Variants in FHDC1 observed in about 807,000 individuals in gnomAD.
FHDC1 encodes the protein FH2 domain-containing protein 1.
Under a neutral mutation model 52.6 loss-of-function variants are expected in FHDC1, and 25 were observed. The ratio of observed to expected loss-of-function variants is 0.48; its 90% CI spans 0.35 to 0.66. FHDC1 has a LOEUF of 0.66. FHDC1 is among the 30% of genes least tolerant of loss of function. FHDC1 has a pLI of 0.01. For missense variants in FHDC1, 1,459 were observed against 1,452.8 expected, an observed-to-expected ratio of 1.00 and a Z score of -0.07; for synonymous variants, 616 against 581.5, an observed-to-expected ratio of 1.06 and a Z score of -0.85.
chr4:152,950,968 G>A (rs1579087553), intron 2 of FHDC1, among the ~76,000 whole-genome samples: 1 of 152,208 alleles, frequency 6.6e-6, no homozygotes, highest in East Asian at 1.9e-4. Flanking sequence ...GAGATCATAA[G>A]AGTAATTTTC....
the FHDC1 span, among the ~76,000 whole-genome samples, chr4:152,923,330 T>C: frequency 0.015 from 2,327 of 152,218 alleles, 66 homozygotes; most frequent in African/African-American, 0.053. Flanking sequence ...CAAGGAGAAC[T>C]ACAAACCACT....
rs1740317510 is a variant in FHDC1 at position 152,962,811 on chromosome 4, T to C, written c.851-3T>C. On this transcript the variant is annotated splice_region_variant and splice_polypyrimidine_tract_variant and intron_variant, in intron 6 of 11. Coordinates refer to ENST00000511601, the MANE Select transcript of FHDC1 (RefSeq NM_001371116.1). ...AGGTGCTGTGATGTGTTCTTTTTGA[T>C]AGAACTGATGTCATGTGAAGAGCTA... 6.2e-7 allele frequency: 1 copy of C among 1,613,824 alleles called. No homozygotes were observed.
chr4:152,926,653 CT>C, the FHDC1 span, among the ~76,000 whole-genome samples: 1 of 148,950 alleles, frequency 6.7e-6, no homozygotes, highest in Non-Finnish European at 1.5e-5. Context: ...AAATCTTTCC[CT>C]TTTTTTTTCT....
At chr4:152,964,741 G>A (rs759451669) in intron 8 of FHDC1, among the ~76,000 whole-genome samples, 164 bp from the exon 9 acceptor site, 4 of 152,192 alleles carry the variant, frequency 2.6e-5, no homozygotes, top group Non-Finnish European at 5.9e-5. Flanking sequence ...GAGAGTTCTA[G>A]CAAATCTTAC....
At chr4:152,942,033 T>G (rs1739587694) in intron 1 of FHDC1, among the ~76,000 whole-genome samples, 1 of 152,126 alleles carries the variant, frequency 6.6e-6, no homozygotes, top group Non-Finnish European at 1.5e-5. Flanking sequence ...AACGTGAAGT[T>G]CCATAAAAAT....
intron 2 of FHDC1, among the ~76,000 whole-genome samples, chr4:152,949,426 GCTATGATCACAC>G (rs1739856989): frequency 6.6e-6 from 1 of 152,050 alleles, no homozygotes; most frequent in Non-Finnish European, 1.5e-5. Context: ...GCTGCAGTGA[GCTATGATCACAC>G]CACCGCACTC....
At chr4:152,923,541 G>A in the FHDC1 span, among the ~76,000 whole-genome samples, 21 of 152,162 alleles carry the variant, frequency 1.4e-4, no homozygotes, top group African/African-American at 3.9e-4. Context: ...AAAAGAGCCC[G>A]CATCCCCAAG....
upstream of FHDC1, among the ~76,000 whole-genome samples, chr4:152,935,936 C>G (rs759015379): frequency 1.3e-4 from 20 of 152,150 alleles, no homozygotes; most frequent in Non-Finnish European, 2.2e-4. Flanking sequence ...GTGAAAGGCA[C>G]TTGCAGGTTC....
intron 4 of FHDC1, among the ~76,000 whole-genome samples, chr4:152,954,912 G>T (rs1206425286): frequency 6.6e-6 from 1 of 151,998 alleles, no homozygotes; most frequent in Non-Finnish European, 1.5e-5. Context: ...ACCTGTAAAG[G>T]GAGGATAATG....
chr4:152,970,177 G>A (rs1325132844), intron 10 of FHDC1, among the ~76,000 whole-genome samples: 1 of 152,100 alleles, frequency 6.6e-6, no homozygotes, highest in African/African-American at 2.4e-5. Flanking sequence ...AAAATAACAG[G>A]AACACATTTT....
At chr4:152,952,033 A>G (rs764568566) in intron 2 of FHDC1, among the ~76,000 whole-genome samples, 7 of 151,996 alleles carry the variant, frequency 4.6e-5, no homozygotes, top group Non-Finnish European at 1.0e-4. Context: ...AAATGCAAAA[A>G]CAAACAAACA....
upstream of FHDC1, chr4:152,936,298 C>G (rs1739371889): frequency 6.6e-6 from 1 of 152,198 alleles, no homozygotes; most frequent in South Asian, 2.1e-4. Context: ...CCTGCCCCCT[C>G]GCGCTCAGGG....
chr4:152,946,245 C>G (rs918772884), intron 2 of FHDC1, among the ~76,000 whole-genome samples: 1 of 152,086 alleles, frequency 6.6e-6, no homozygotes, highest in African/African-American at 2.4e-5. Flanking sequence ...AGACAACATA[C>G]TAGAAAGAAA....
the FHDC1 span, chr4:152,911,687 T>C: frequency 3.9e-5 from 6 of 152,638 alleles, no homozygotes; most frequent in African/African-American, 1.4e-4. Flanking sequence ...TCAAATGCCT[T>C]TTAGCTGGCT....
the FHDC1 span, among the ~76,000 whole-genome samples, chr4:152,930,582 A>C: frequency 6.6e-6 from 1 of 152,230 alleles, no homozygotes; most frequent in Admixed American, 6.5e-5. Flanking sequence ...TATGATGCTA[A>C]GTGTTTGACA....
At chr4:152,962,942 T>G (rs561509868) in intron 7 of FHDC1, 58 bp downstream of exon 7, 117 of 619,078 alleles carry the variant, frequency 1.9e-4, no homozygotes, top group South Asian at 1.0e-3. Flanking sequence ...TATCTAAAGG[T>G]GTGTGTGTGT....
At chr4:152,973,644 G>T (rs549249964) in intron 11 of FHDC1, among the ~76,000 whole-genome samples, 14 of 152,262 alleles carry the variant, frequency 9.2e-5, no homozygotes, top group Non-Finnish European at 2.1e-4. Context: ...TGGGGACGAG[G>T]TGGGAGGCTG....
At chr4:152,943,700 C>A in intron 2 of FHDC1, 145 bp downstream of exon 2, 1 of 986,464 alleles carries the variant, frequency 1.0e-6, no homozygotes, top group Non-Finnish European at 1.5e-6. Flanking sequence ...TAGGCAGGGT[C>A]TTTACGATGA....
chr4:152,935,903 G>C (rs1739353773), upstream of FHDC1, among the ~76,000 whole-genome samples: 2 of 152,188 alleles, frequency 1.3e-5, no homozygotes. Context: ...GGGTGCCTGG[G>C]AGGCTGTCGC....
Sources: allele counts gnomAD v4.1 joint callset (sites outside exome capture counted in the v4.1 genomes callset), GRCh38; gene constraint gnomAD v4.1.1; transcripts MANE v1.5; gene names NCBI Gene and HGNC (gene_info 2026-07-23, HGNC 2026-07-21).